Variants in HMGXB4 observed in about 807,000 individuals in gnomAD.
HMGXB4 encodes HMG-box containing 4.
Under a neutral mutation model 63.9 loss-of-function variants are expected in HMGXB4, and 27 were observed. The observed-to-expected ratio is 0.42, with a 90% CI of 0.31 to 0.58. The LOEUF (loss-of-function observed/expected upper bound fraction) is 0.58, where lower values mean the gene tolerates loss of function less well. HMGXB4 is among the 20% of genes least tolerant of loss of function. The pLI, the probability that HMGXB4 is intolerant of heterozygous loss-of-function variation, is 0.13. For synonymous variants in HMGXB4, 264 were observed against 265.3 expected, an observed-to-expected ratio of 0.99 and a Z score of 0.05; for missense variants, 624 against 700.7, an observed-to-expected ratio of 0.89 and a Z score of 1.24.
intron 9 of HMGXB4, among the ~76,000 whole-genome samples, chr22:35,291,486 A>C (rs1924933370): frequency 6.6e-6 from 1 of 152,152 alleles, no homozygotes; most frequent in African/African-American, 2.4e-5. Context: ...TTAGATTGGA[A>C]GTGAAAAGAG....
Position 35,264,780 on chromosome 22 carries a change from G to A in HMGXB4, c.392G>A (p.Gly131Glu). The change falls in exon 5 of 11, where the codon GGG (glycine) becomes GAG (glutamate). Residue 131 changes from glycine (G) to glutamate (E), a missense_variant. Coordinates refer to ENST00000216106, the MANE Select transcript of HMGXB4 (RefSeq NM_001003681.3). ...AAGSKPSKKT[G>E]EKSSGSSSHS... ...GGCTCCAAGCCCTCCAAAAAGACTG[G>A]GGAGAAATCCTCTGGCTCTTCAAGC... 1 of 1,614,162 alleles carries A rather than the reference G, an allele frequency of 6.2e-7. No homozygotes were observed. Among genetic ancestry groups the A allele is most frequent in the South Asian group, 1.1e-5 (1 of 91,092 alleles).
At chr22:35,285,772 T>G (rs1159216655) in intron 6 of HMGXB4, among the ~76,000 whole-genome samples, 1 of 151,748 alleles carries the variant, frequency 6.6e-6, no homozygotes, top group Non-Finnish European at 1.5e-5. Context: ...CCCTAGGGAG[T>G]AGATGGGTTA....
intron 1 of HMGXB4, among the ~76,000 whole-genome samples, chr22:35,260,737 T>C (rs1317673676): frequency 6.6e-6 from 1 of 152,244 alleles, no homozygotes; most frequent in African/African-American, 2.4e-5. Context: ...TTTTTATGTT[T>C]CTTTTCTTAA....
At chr22:35,255,003 T>G (rs1922329487), upstream of HMGXB4, among the ~76,000 whole-genome samples, 1 of 152,198 alleles carries the variant, frequency 6.6e-6, no homozygotes, top group Admixed American at 6.5e-5. Flanking sequence ...GCACTCACCC[T>G]TCTGACAGCA....
At chr22:35,281,449 C>A (rs1924239884) in intron 5 of HMGXB4, among the ~76,000 whole-genome samples, 2 of 152,150 alleles carry the variant, frequency 1.3e-5, no homozygotes, top group Admixed American at 1.3e-4. Context: ...TGAAGGAAAC[C>A]CTTTTCTTCA....
rs753547991 is a variant in HMGXB4, at chr22:35,265,162, A to G, written c.774A>G (p.Ala258=). The G allele has an allele frequency of 4.4e-5, 71 of 1,614,046 alleles. No homozygotes were observed. The highest frequency in any genetic ancestry group is 5.4e-5 in the Non-Finnish European group (64 of 1,180,030). Residue 258 remains alanine, a synonymous_variant, in exon 5 of 11, where the codon GCA becomes GCG. Transcript: ENST00000216106. ...AAAAGCACAAGTCATCCTCAGACGCACATTCATCTCCTGGCCCTGAAGGCT... is the reference window on the plus strand; with the variant it reads ...AAAAGCACAAGTCATCCTCAGACGCGCATTCATCTCCTGGCCCTGAAGGCT... The part of the protein sequence containing the change: ...ARKKHKSSSD[A]HSSPGPEGCG...
chr22:35,281,878 A>G (rs1393818490), intron 5 of HMGXB4, among the ~76,000 whole-genome samples: 1 of 152,212 alleles, frequency 6.6e-6, no homozygotes, highest in Non-Finnish European at 1.5e-5. Flanking sequence ...TGTTCTAGGA[A>G]TGTTTCTATT....
At chr22:35,261,390 C>G (rs949354628) in intron 1 of HMGXB4, among the ~76,000 whole-genome samples, 1 of 148,864 alleles carries the variant, frequency 6.7e-6, no homozygotes, top group East Asian at 2.0e-4. Flanking sequence ...GAACCAATAT[C>G]GTGCCACTGC....
rs946548957 is a variant in HMGXB4, at chr22:35,293,104, A to G, written c.1751A>G (p.Lys584Arg). Residue 584 changes from lysine to arginine, a missense_variant, in exon 10 of 11, where the codon AAA becomes AGA. By Grantham distance (26) the Lys-to-Arg change is conservative. This residue lies in a region of HMGXB4 where 152 missense variants were observed against 230.1 expected (regional missense o/e 0.66). Coordinates refer to ENST00000216106, the MANE Select transcript of HMGXB4 (RefSeq NM_001003681.3). ...CTACCTGAATTGAATGGCTGTCCCA[A>G]ACAGGTCTTGGTGAGTTTTCCCTGG... The part of the protein sequence containing the change: ...TQLPELNGCP[K>R]QVLSNTLDNI... The G allele has an allele frequency of 6.2e-6, 10 of 1,614,026 alleles. No homozygotes were observed. The highest frequency in any genetic ancestry group is 8.5e-6 in the Non-Finnish European group (10 of 1,180,028).
chr22:35,253,132 C>CAA (rs554912249), upstream of HMGXB4, among the ~76,000 whole-genome samples: 7 of 96,580 alleles, frequency 7.2e-5, no homozygotes, highest in African/African-American at 3.6e-4. Flanking sequence ...AACTCCATCT[C>CAA]AAAAAAAAAA....
intron 5 of HMGXB4, among the ~76,000 whole-genome samples, chr22:35,279,132 CTTTTTTTTTTTTTTTTTTTT>C (rs551006065): frequency 3.9e-5 from 2 of 50,802 alleles, no homozygotes; most frequent in Admixed American, 3.5e-4. Context: ...TATGGATTGT[CTTTTTTTTTTTTTTTTTTTT>C]TTTTTTTTTT....
Position 35,294,560 on chromosome 22 carries a change from C to T in HMGXB4, c.*909C>T, listed in dbSNP as rs1925143024. ...TATCAGTTCCCCTGGTGGGCAGATA[C>T]ACAGTGTTCTGCATTCCACATGTAA... On this transcript the variant is annotated 3_prime_UTR_variant, in exon 11 of 11. Coordinates refer to ENST00000216106, the MANE Select transcript of HMGXB4 (RefSeq NM_001003681.3). 1 of 152,610 alleles carries T rather than the reference C, an allele frequency of 6.6e-6. No individual in the cohort carries two copies. Among genetic ancestry groups the T allele is most frequent in the African/African-American group, 2.4e-5 (1 of 41,442 alleles). 9.5% of individuals were successfully genotyped at this position (152,610 alleles called of 1,614,324 possible). A position where few individuals can be genotyped will look rare whatever the true frequency, so the allele number is the denominator to read the frequency against.
chr22:35,257,709 G>T (rs545580982), intron 1 of HMGXB4, among the ~76,000 whole-genome samples, 152 bp downstream of exon 1: 10 of 152,320 alleles, frequency 6.6e-5, no homozygotes, highest in African/African-American at 1.9e-4. Flanking sequence ...GGCCGAGCCG[G>T]GGACTGGAGT....
chr22:35,257,695 C>T (rs1922517331), intron 1 of HMGXB4, 138 bp downstream of exon 1: 2 of 152,588 alleles, frequency 1.3e-5, no homozygotes, highest in Admixed American at 6.5e-5. Flanking sequence ...CGGCCTAGCC[C>T]AGGGGCCGAG....
intron 5 of HMGXB4, among the ~76,000 whole-genome samples, chr22:35,278,228 T>C (rs1370459623): frequency 6.6e-6 from 1 of 152,202 alleles, no homozygotes; most frequent in East Asian, 1.9e-4. Flanking sequence ...TGTCTAGATA[T>C]ACTACTACAA....
intron 6 of HMGXB4, among the ~76,000 whole-genome samples, 178 bp from the exon 7 acceptor site, chr22:35,285,819 C>CT (rs1436365779): frequency 3.3e-5 from 5 of 152,192 alleles, no homozygotes; most frequent in African/African-American, 1.2e-4. Context: ...AAAACATCCC[C>CT]TTCCCTATAG....
intron 3 of HMGXB4, 51 bp from the exon 4 acceptor site, chr22:35,263,745 A>G (rs1343384019): frequency 7.8e-7 from 1 of 1,278,518 alleles, no homozygotes; most frequent in African/African-American, 1.5e-5. Flanking sequence ...GTGGTTACAA[A>G]CTGCATTTGC....
At chr22:35,248,965 G>A in the HMGXB4 span, among the ~76,000 whole-genome samples, 1 of 152,194 alleles carries the variant, frequency 6.6e-6, no homozygotes, top group Non-Finnish European at 1.5e-5. Context: ...TGAATGAGTG[G>A]TAAATGAATG....
At chr22:35,282,368 G>A (rs141480707) in intron 5 of HMGXB4, among the ~76,000 whole-genome samples, 1,904 of 152,142 alleles carry the variant, frequency 0.013, 41 homozygotes, top group African/African-American at 0.043. Context: ...AGTAGAGACG[G>A]GGTTTCACCG....
Sources: gnomAD v4.1 joint callset for allele counts (sites outside exome capture counted in the v4.1 genomes callset) on GRCh38, gnomAD v4.1.1 for gene constraint, gnomAD v4.1.1 regional missense constraint, MANE v1.5 for transcripts, NCBI Gene and HGNC (gene_info 2026-07-23, HGNC 2026-07-21) for gene names.